Variants in TSHR observed in about 807,000 individuals in gnomAD.
The protein encoded by TSHR is thyrotropin receptor.
A neutral mutation model predicts 64.1 loss-of-function variants in TSHR; 51 were observed. The ratio of observed to expected loss-of-function variants is 0.80; its 90% CI spans 0.64 to 1.01. The LOEUF is 1.01. Ranked by LOEUF, TSHR falls within the 50% of genes least tolerant of loss-of-function variation. TSHR has a pLI of 0.00. For missense variants in TSHR, 877 were observed against 942.8 expected, an observed-to-expected ratio of 0.93 and a Z score of 0.91; for synonymous variants, 361 against 361.9, an observed-to-expected ratio of 1.00 and a Z score of 0.03.
At chr14:81,086,717 C>T (rs77004549) in intron 3 of TSHR, among the ~76,000 whole-genome samples, 5,000 of 152,242 alleles carry the variant, frequency 0.033, 243 homozygotes, top group African/African-American at 0.1. Context: ...GACTCTATTT[C>T]GAGTCCATCT....
chr14:81,020,512 C>T lies in TSHR; in HGVS notation c.171-41636C>T, dbSNP rs564243562. 4.9e-4 allele frequency among the ~76,000 whole-genome samples: 75 copies of T among 152,270 alleles called. 1 individual carries two copies. The South Asian group carries it at 7.9e-3, about 16-fold the overall frequency. On this transcript the variant is annotated intron_variant, in intron 1 of 9. Coordinates refer to ENST00000298171, the MANE Select transcript of TSHR (RefSeq NM_000369.5). Reference sequence around the variant, plus strand: ...CTGCACATGCGAGGGACCTAGACTGCGTGTTCCTTAAGAGAATCTAATGCC... The same window carrying T: ...CTGCACATGCGAGGGACCTAGACTGTGTGTTCCTTAAGAGAATCTAATGCC...
intron 1 of TSHR, chr14:80,992,482 T>A (rs1888794062): frequency 6.7e-6 from 1 of 149,888 alleles, no homozygotes; most frequent in African/African-American, 2.4e-5. Context: ...TTACACATAC[T>A]ACTGTTGTAG....
At chr14:81,064,831 A>T (rs1886492418) in intron 2 of TSHR, among the ~76,000 whole-genome samples, 1 of 152,032 alleles carries the variant, frequency 6.6e-6, no homozygotes, top group Non-Finnish European at 1.5e-5. Flanking sequence ...GAAGCTAAAG[A>T]GAGTGAAGAA....
chr14:81,074,611 A>G (rs1887358433), intron 3 of TSHR, among the ~76,000 whole-genome samples: 2 of 152,196 alleles, frequency 1.3e-5, no homozygotes, highest in South Asian at 4.1e-4. Flanking sequence ...TTGTTTAGGA[A>G]AGAGAGCTCT....
chr14:81,122,258 G>T (rs1890833892), intron 8 of TSHR, among the ~76,000 whole-genome samples: 1 of 151,342 alleles, frequency 6.6e-6, no homozygotes, highest in Non-Finnish European at 1.5e-5. Flanking sequence ...GGCCAGGCTG[G>T]TCTCGAACTC....
At chr14:81,092,678 A>G in intron 6 of TSHR, 70 bp downstream of exon 6, 2 of 1,421,328 alleles carry the variant, frequency 1.4e-6, no homozygotes, top group Non-Finnish European at 9.9e-7. Context: ...ATGTTTACAG[A>G]CCATCCAAGA....
At chr14:81,142,163 C>T (rs1388060428) in intron 9 of TSHR, among the ~76,000 whole-genome samples, 1 of 152,166 alleles carries the variant, frequency 6.6e-6, no homozygotes, top group Non-Finnish European at 1.5e-5. Context: ...TCACTGCAAC[C>T]TCCACCTCCC....
intron 7 of TSHR, among the ~76,000 whole-genome samples, chr14:81,101,180 A>G (rs961960167): frequency 6.6e-6 from 1 of 152,150 alleles, no homozygotes; most frequent in Non-Finnish European, 1.5e-5. Context: ...ACAATATTAC[A>G]CTACTGAAGA....
At chr14:81,000,183 T>C (rs1889240332) in intron 1 of TSHR, among the ~76,000 whole-genome samples, 1 of 152,080 alleles carries the variant, frequency 6.6e-6, no homozygotes, top group Non-Finnish European at 1.5e-5. Flanking sequence ...CCGCCCGCCT[T>C]GGCCTCTCAA....
At chr14:80,996,054 TG>T (rs1889002754) in intron 1 of TSHR, among the ~76,000 whole-genome samples, 2 of 152,236 alleles carry the variant, frequency 1.3e-5, no homozygotes, top group African/African-American at 4.8e-5. Context: ...GTCAGTTTTT[TG>T]TTGACCCTGC....
intron 1 of TSHR, among the ~76,000 whole-genome samples, chr14:80,964,761 T>TCA (rs1300192171): frequency 6.6e-6 from 1 of 152,260 alleles, no homozygotes; most frequent in Non-Finnish European, 1.5e-5. Context: ...TCACTATGAC[T>TCA]CAATCTTTTT....
chr14:81,092,735 A>G (rs1888852677), intron 6 of TSHR, 127 bp downstream of exon 6: 1 of 858,004 alleles, frequency 1.2e-6, no homozygotes, highest in Non-Finnish European at 1.9e-6. Flanking sequence ...AAAGTGTTTT[A>G]CACAATTAAA....
At chr14:81,023,716 A>G (rs920947267) in intron 1 of TSHR, among the ~76,000 whole-genome samples, 1 of 152,202 alleles carries the variant, frequency 6.6e-6, no homozygotes, top group African/African-American at 2.4e-5. Flanking sequence ...TACAACCAAA[A>G]GATTGGCAGG....
intron 8 of TSHR, among the ~76,000 whole-genome samples, chr14:81,114,170 G>C (rs11621463): frequency 0.067 from 10,132 of 151,632 alleles, 462 homozygotes; most frequent in African/African-American, 0.13. Flanking sequence ...CACTGGGGGG[G>C]AGGAGCCAAG....
chr14:81,015,548 C>T (rs1240587932), intron 1 of TSHR, among the ~76,000 whole-genome samples: 5 of 151,936 alleles, frequency 3.3e-5, no homozygotes, highest in African/African-American at 9.7e-5. Flanking sequence ...CAACGTGATG[C>T]TTTGAAATAT....
At chr14:81,087,511 A>C (rs77364541) in intron 3 of TSHR, 5,603 of 258,504 alleles carry the variant, frequency 0.022, 255 homozygotes, top group African/African-American at 0.1. Flanking sequence ...CTTACTGTCC[A>C]TCTTGCTGTG....
intron 1 of TSHR, among the ~76,000 whole-genome samples, chr14:80,967,186 G>GTATATA (rs3038162): frequency 6.9e-6 from 1 of 144,140 alleles, no homozygotes; most frequent in African/African-American, 2.6e-5. Context: ...ATATGTATGT[G>GTATATA]TATATATATA....
At chr14:81,124,293 C>A (rs962690346) in intron 8 of TSHR, among the ~76,000 whole-genome samples, 1 of 151,892 alleles carries the variant, frequency 6.6e-6, no homozygotes, top group Non-Finnish European at 1.5e-5. Flanking sequence ...GTGGCAGAGT[C>A]CTTACCGGCA....
chr14:80,964,140 G>A (rs950907569), intron 1 of TSHR, among the ~76,000 whole-genome samples: 1 of 152,124 alleles, frequency 6.6e-6, no homozygotes, highest in Non-Finnish European at 1.5e-5. Flanking sequence ...GCGGAGCGGG[G>A]GCGGATCACG....
Sources: gnomAD v4.1 joint callset for allele counts (sites outside exome capture counted in the v4.1 genomes callset) on GRCh38, gnomAD v4.1.1 for gene constraint, MANE v1.5 for transcripts, NCBI Gene and HGNC (gene_info 2026-07-23, HGNC 2026-07-21) for gene names.